PCDH18: variants seen among roughly 807,000 people sequenced by gnomAD.
PCDH18 encodes the protein protocadherin-18.
PCDH18 carries 38 observed loss-of-function variants against 71.5 expected under a neutral mutation model. The ratio of observed to expected loss-of-function variants is 0.53; its 90% confidence interval spans 0.41 to 0.70. The LOEUF is 0.70. PCDH18 is among the 30% of genes least tolerant of loss of function. PCDH18 has a pLI of 0.00. For missense variants in PCDH18, 1,334 were observed against 1,384.6 expected, an observed-to-expected ratio of 0.96 and a Z score of 0.58; for synonymous variants, 565 against 505.4, an observed-to-expected ratio of 1.12 and a Z score of -1.58.
chr4:137,528,408 G>T, intron 3 of PCDH18, 70 bp downstream of exon 3: 1 of 1,237,490 alleles, frequency 8.1e-7, no homozygotes, highest in Non-Finnish European at 1.2e-6. Flanking sequence ...ATAAGCATGA[G>T]AGAAATTTTT....
chr4:137,528,607 T>G lies in PCDH18; in HGVS notation c.2611A>C (p.Lys871Gln), dbSNP rs1578746071. Residue 871 changes from lysine (K) to glutamine (Q), a missense_variant, in exon 3 of 4, where the codon AAA (lysine) becomes CAA (glutamine). Physicochemically the swap from Lys to Gln is moderately conservative, Grantham distance 53. Transcript: ENST00000344876. ...ALQDMDKFSL[K>Q]DSGRGDSEAG... is the part of the protein sequence containing the mutation. ...TCACTGTCACCACGGCCACTGTCTTTCAAGCTAAATTTGTCCATGTCTTGA... is the reference window on the plus strand; with the variant it reads ...TCACTGTCACCACGGCCACTGTCTTGCAAGCTAAATTTGTCCATGTCTTGA... 1.2e-6 allele frequency: 2 copies of G among 1,614,034 alleles called. No homozygotes were observed. The highest frequency in any genetic ancestry group is 2.7e-5 in the African/African-American group (2 of 75,024).
At chr4:137,524,586 A>G (rs1054243268) in intron 3 of PCDH18, among the ~76,000 whole-genome samples, 18 of 152,282 alleles carry the variant, frequency 1.2e-4, no homozygotes, top group African/African-American at 3.6e-4. Flanking sequence ...ACACAAAGTG[A>G]TGAGAAGCCA....
Position 137,529,640 on chromosome 4 carries a change from A to G in PCDH18, c.2449T>C (p.Phe817Leu). 6.2e-7 allele frequency: 1 copy of G among 1,612,182 alleles called. No homozygotes were observed. Among genetic ancestry groups the G allele is most frequent in the Non-Finnish European group, 8.5e-7 (1 of 1,178,916 alleles). The change falls in exon 1 of 4, where the codon TTC (phenylalanine) becomes CTC (leucine). Residue 817 changes from phenylalanine (F) to leucine (L), a missense_variant. Coordinates refer to ENST00000344876, the MANE Select transcript of PCDH18 (RefSeq NM_019035.5). ...TISSNHVPENFSLELTHATPA... is the reference protein window; with the variant it reads ...TISSNHVPENLSLELTHATPA... ...GTGGCGTGGGTGAGTTCTAATGAGAAATTCTCTGGCACGTGGTTTGATGAG... is the reference window on the plus strand; with the variant it reads ...GTGGCGTGGGTGAGTTCTAATGAGAGATTCTCTGGCACGTGGTTTGATGAG...
intron 3 of PCDH18, among the ~76,000 whole-genome samples, chr4:137,526,162 A>C (rs1016668025): frequency 6.6e-6 from 1 of 151,892 alleles, no homozygotes; most frequent in African/African-American, 2.4e-5. Flanking sequence ...CCTAAAAAAA[A>C]CTTTATAATT....
Position 137,519,675 on chromosome 4 carries a change from G to T in PCDH18, c.*1354C>A, listed in dbSNP as rs1200207799. On this transcript the variant is annotated 3_prime_UTR_variant, in exon 4 of 4. Coordinates refer to ENST00000344876, the MANE Select transcript of PCDH18 (RefSeq NM_019035.5). ...CTTTTGAACAAATATGTAGGAACAGGACTCTGACTTATAGACAGTTCCTTA... is the reference window on the plus strand; with the variant it reads ...CTTTTGAACAAATATGTAGGAACAGTACTCTGACTTATAGACAGTTCCTTA... 3 of 152,148 alleles carry T rather than the reference G, an allele frequency of 2.0e-5. No individual in the cohort carries two copies. The highest frequency in any genetic ancestry group is 7.2e-5 in the African/African-American group (3 of 41,434). The allele number at this position is 152,148 out of a possible 1,614,324, so 9.4% of individuals were successfully genotyped here.
Position 137,521,490 on chromosome 4 carries a change from A to G in PCDH18, c.2947T>C (p.Phe983Leu). ...PADSGEKKKS[F>L]STFGKDSPND... is the part of the protein sequence containing the mutation. ...GGGGAGTCCTTTCCAAAGGTGGAAA[A>G]ACTCTTCTTCTTTTCACCGGAATCT... Residue 983 changes from phenylalanine to leucine, a missense_variant, in exon 4 of 4, where the codon TTT (phenylalanine) becomes CTT (leucine). This residue lies in a region of PCDH18 where 319 missense variants were observed against 316.3 expected (regional missense o/e 1.01). Coordinates refer to ENST00000344876, the MANE Select transcript of PCDH18 (RefSeq NM_019035.5). 1.2e-6 allele frequency: 2 copies of G among 1,613,144 alleles called. No homozygotes were observed. Among genetic ancestry groups the G allele is most frequent in the Non-Finnish European group, 1.7e-6 (2 of 1,179,192 alleles).
At position 137,532,122 on chromosome 4, in the gene PCDH18, G is replaced by T. The variant is rs921450478; in HGVS notation, c.-34C>A. 3 of 1,544,322 alleles carry T rather than the reference G, an allele frequency of 1.9e-6. No individual in the cohort carries two copies. The highest frequency in any genetic ancestry group is 2.7e-6 in the Non-Finnish European group (3 of 1,118,228). On this transcript the variant is annotated 5_prime_UTR_variant, in exon 1 of 4. Transcript: ENST00000344876. ...TTATGAGATTTCCCTCACAGAGCAA[G>T]TTAAAACAGCAAAGCAATTGCCTCA...
intron 3 of PCDH18, among the ~76,000 whole-genome samples, chr4:137,522,641 G>GA (rs776821540): frequency 1.4e-4 from 22 of 152,252 alleles, no homozygotes; most frequent in Non-Finnish European, 2.4e-4. Context: ...TGCAGAAAAT[G>GA]CAAAATAATT....
chr4:137,532,320 C>T lies in PCDH18; in HGVS notation c.-232G>A. The T allele has an allele frequency of 1.4e-6, 1 of 702,680 alleles. No individual in the cohort carries two copies. Among genetic ancestry groups the T allele is most frequent in the Non-Finnish European group, 2.6e-6 (1 of 385,130 alleles). 43.5% of individuals were successfully genotyped at this position (702,680 alleles called of 1,614,324 possible). On this transcript the variant is annotated 5_prime_UTR_variant, in exon 1 of 4. Coordinates refer to ENST00000344876, the MANE Select transcript of PCDH18 (RefSeq NM_019035.5). ...CCTTGCGTTTGTTTGGTCGTTCGTC[C>T]TCTTTCCAGGCAGGAGAGTGTCACC...
At position 137,531,884 on chromosome 4, in the gene PCDH18, T is replaced by A; in HGVS notation, c.205A>T (p.Met69Leu). Residue 69 changes from methionine to leucine, a missense_variant, in exon 1 of 4, where the codon ATG becomes TTG. Met to Leu is a conservative substitution (Grantham distance 15). Coordinates refer to ENST00000344876, the MANE Select transcript of PCDH18 (RefSeq NM_019035.5). ...PNPSTVRFRA[M>L]QRGNSPLLVV... ...AGTAGAGGAGAATTTCCCCTCTGCA[T>A]GGCTCGAAATCGAACAGTAGAAGGA... The A allele has an allele frequency of 6.2e-7, 1 of 1,614,050 alleles. No homozygotes were observed. Among genetic ancestry groups the A allele is most frequent in the Non-Finnish European group, 8.5e-7 (1 of 1,179,986 alleles).
intron 3 of PCDH18, among the ~76,000 whole-genome samples, chr4:137,523,296 T>A (rs1356209745): frequency 6.6e-6 from 1 of 152,144 alleles, no homozygotes; most frequent in East Asian, 1.9e-4. Flanking sequence ...TTTTTTAGAT[T>A]TCCTGACTTC....
chr4:137,531,809 G>A lies in PCDH18; in HGVS notation c.280C>T (p.Arg94Cys), dbSNP rs941769738. The A allele has an allele frequency of 8.7e-6, 14 of 1,613,978 alleles. No individual in the cohort carries two copies. The highest frequency in any genetic ancestry group is 1.1e-5 in the Non-Finnish European group (13 of 1,180,016). Residue 94 changes from arginine (R) to cysteine (C), a missense_variant, in exon 1 of 4, where the codon CGT (arginine) becomes TGT (cysteine). Around this residue, in one of 3 missense-constraint regions of PCDH18, gnomAD observed 1,011 missense variants for 1,048.0 expected, o/e 0.96. Coordinates refer to ENST00000344876, the MANE Select transcript of PCDH18 (RefSeq NM_019035.5). ...GEISIGATID[R>C]EQLCQKNLNC... is the part of the protein sequence containing the mutation. ...AAGTTTTTCTGGCACAGTTGTTCAC[G>A]GTCAATTGTAGCCCCTATGCTGATT...
intron 3 of PCDH18, among the ~76,000 whole-genome samples, chr4:137,523,451 A>AT (rs144196778): frequency 2.4e-4 from 36 of 150,010 alleles, no homozygotes; most frequent in South Asian, 1.1e-3. Flanking sequence ...AGTGGTAATG[A>AT]TTTTTTTTTT....
In PCDH18 at chr4:137,531,248, T is replaced by G. The variant is rs779942541; in HGVS notation, c.841A>C (p.Ile281Leu). 1.9e-6 allele frequency: 3 copies of G among 1,613,708 alleles called. No individual in the cohort carries two copies. The South Asian group carries it at 3.3e-5, about 18-fold the overall frequency. The change falls in exon 1 of 4, where the codon ATT becomes CTT. Residue 281 changes from isoleucine to leucine, a missense_variant. By Grantham distance (5) the Ile-to-Leu change is conservative. Transcript: ENST00000344876. ...TDPDEGANGK[I>L]VYSFSSHVSP... ...ACATGACTGCTGAAGGAATATACAA[T>G]TTTCCCATTAGCGCCCTCATCTGGA...
chr4:137,526,655 T>C (rs1227647828), intron 3 of PCDH18, among the ~76,000 whole-genome samples: 1 of 152,072 alleles, frequency 6.6e-6, no homozygotes, highest in Non-Finnish European at 1.5e-5. Flanking sequence ...CCTTATTGTC[T>C]CTCGAAGTCC....
At position 137,531,323 on chromosome 4, in the gene PCDH18, A is replaced by G. The variant is rs376459464; in HGVS notation, c.766T>C (p.Leu256=). ...FEQQSYIIQL[L]ENSPVGTLLL... ...AAAGTGCCAACCGGGGAGTTTTCTAAGAGTTGTATTATATAAGATTGCTGC... is the reference window on the plus strand; with the variant it reads ...AAAGTGCCAACCGGGGAGTTTTCTAGGAGTTGTATTATATAAGATTGCTGC... Residue 256 remains leucine (L), a synonymous_variant, in exon 1 of 4, where the codon TTA becomes CTA. Transcript: ENST00000344876. The G allele has an allele frequency of 4.2e-5, 68 of 1,614,012 alleles. No individual in the cohort carries two copies. The Middle Eastern group carries it at 1.2e-3, about 27-fold the overall frequency.
At position 137,531,287 on chromosome 4, in the gene PCDH18, G is replaced by A; in HGVS notation, c.802C>T (p.Leu268=). Reference sequence around the variant, plus strand: ...CCCTCATCTGGATCCGTGGCATTCAGATCTAAGAGCAAAGTGCCAACCGGG... The same window carrying A: ...CCCTCATCTGGATCCGTGGCATTCAAATCTAAGAGCAAAGTGCCAACCGGG... The part of the protein sequence containing the change: ...NSPVGTLLLD[L]NATDPDEGAN... The change falls in exon 1 of 4, where the codon CTG becomes TTG. Residue 268 remains leucine (L), a synonymous_variant. Coordinates refer to ENST00000344876, the MANE Select transcript of PCDH18 (RefSeq NM_019035.5). The A allele has an allele frequency of 6.2e-7, 1 of 1,614,088 alleles. No individual in the cohort carries two copies. The highest frequency in any genetic ancestry group is 1.1e-5 in the South Asian group (1 of 91,078).
At chr4:137,526,415 A>C (rs576611070) in intron 3 of PCDH18, among the ~76,000 whole-genome samples, 2 of 152,120 alleles carry the variant, frequency 1.3e-5, no homozygotes, top group Non-Finnish European at 2.9e-5. Flanking sequence ...ATTAATACTC[A>C]AAATTAGGGT....
chr4:137,519,166 C>A lies in PCDH18; in HGVS notation c.*1863G>T, dbSNP rs1389709280. ...CTGAAATTTCACTTGTAATTGCAAT[C>A]TCTCCTATAAAGGAAAATGTGCCTG... On this transcript the variant is annotated 3_prime_UTR_variant, in exon 4 of 4. Transcript: ENST00000344876. The A allele has an allele frequency of 6.6e-6, 1 of 152,118 alleles. No homozygotes were observed. The highest frequency in any genetic ancestry group is 1.5e-5 in the Non-Finnish European group (1 of 68,014). The allele number at this position is 152,118 out of a possible 1,614,324, so 9.4% of individuals were successfully genotyped here.
Sources: gnomAD v4.1 joint callset for allele counts (sites outside exome capture counted in the v4.1 genomes callset) on GRCh38, gnomAD v4.1.1 for gene constraint, gnomAD v4.1.1 regional missense constraint, MANE v1.5 for transcripts, NCBI Gene and HGNC (gene_info 2026-07-23, HGNC 2026-07-21) for gene names.